Variants in UPRT observed in about 807,000 individuals in gnomAD.
The protein encoded by UPRT is uracil phosphoribosyltransferase homolog, also known as RP11-311P8.3.
In UPRT, 5 loss-of-function variants were observed where a neutral mutation model predicts 22.6. The observed-to-expected ratio is 0.22, with a 90% CI of 0.12 to 0.47. The LOEUF is 0.47. Ranked by LOEUF, UPRT falls within the 20% of genes least tolerant of loss-of-function variation. UPRT has a pLI of 0.99. For synonymous variants in UPRT, 77 were observed against 87.7 expected, an observed-to-expected ratio of 0.88 and a Z score of 0.68; for missense variants, 181 against 239.9, an observed-to-expected ratio of 0.75 and a Z score of 1.62.
At chrX:75,254,094 T>C (rs1470281732) in intron 4 of UPRT, among the ~76,000 whole-genome samples, 1 of 111,438 alleles carries the variant, frequency 9.0e-6, no homozygotes. Context: ...GTGAATCTGG[T>C]GTGTGGACTC....
chrX:75,216,993 A>G (rs1253554008), intron 4 of UPRT, among the ~76,000 whole-genome samples: 1 of 111,634 alleles, frequency 9.0e-6, no homozygotes, highest in Non-Finnish European at 1.9e-5. Context: ...TGACCTCATG[A>G]TCCGCCTGCC....
intron 2 of UPRT, 110 bp from the exon 3 acceptor site, chrX:75,296,232 A>G: frequency 2.7e-6 from 2 of 727,492 alleles, no homozygotes; most frequent in Non-Finnish European, 4.1e-6. Context: ...CCACAAGTGA[A>G]ACCTTTGCCT....
chrX:75,245,148 T>C (rs2082500221), intron 4 of UPRT, among the ~76,000 whole-genome samples: 1 of 109,577 alleles, frequency 9.1e-6, no homozygotes, highest in Non-Finnish European at 1.9e-5. Context: ...AAGGAAGACA[T>C]ACATGTGGCC....
chrX:75,199,726 C>T (rs746061699), intron 4 of UPRT, among the ~76,000 whole-genome samples: 59 of 110,805 alleles, frequency 5.3e-4, no homozygotes, highest in African/African-American at 1.7e-3. Flanking sequence ...TCTTGGGGTC[C>T]GCAATTCTTT....
chrX:75,296,227 A>G, intron 2 of UPRT, 115 bp from the exon 3 acceptor site: 1 of 688,220 alleles, frequency 1.5e-6, no homozygotes, highest in Non-Finnish European at 2.2e-6. Flanking sequence ...TGCCTCCACA[A>G]GTGAAACCTT....
chrX:75,198,828 G>C (rs1471604970), intron 4 of UPRT, among the ~76,000 whole-genome samples: 1 of 111,551 alleles, frequency 9.0e-6, no homozygotes, highest in Non-Finnish European at 1.9e-5. Flanking sequence ...CCATCCCCCA[G>C]CAGCAGCTCT....
intron 3 of UPRT, among the ~76,000 whole-genome samples, chrX:75,164,069 C>T (rs1405493524): frequency 1.8e-5 from 2 of 111,307 alleles, no homozygotes; most frequent in African/African-American, 6.5e-5. Context: ...CCCAGCTCCT[C>T]AAGAGGCTGA....
At chrX:75,252,704 A>G (rs1434919096) in intron 4 of UPRT, among the ~76,000 whole-genome samples, 1 of 112,434 alleles carries the variant, frequency 8.9e-6, no homozygotes, top group Non-Finnish European at 1.9e-5. Flanking sequence ...ATATACCCAA[A>G]GGATTATAAA....
At position 75,183,522 on chromosome X, in the gene UPRT, C is replaced by A. The variant is rs182652430; in HGVS notation, c.-447+15643C>A. On this transcript the variant is annotated intron_variant, in intron 4 of 13. Transcript: ENST00000652605. ...CTTTATAGCAGCATGATTTATAATC[C>A]TTTGGGTATATACCCAGTAATGGGA... Among the ~76,000 whole-genome samples the A allele has an allele frequency of 1.7e-3, 193 of 111,962 alleles. 2 individuals carry two copies. The highest frequency in any genetic ancestry group is 5.8e-3 in the African/African-American group (179 of 30,863).
In UPRT at chrX:75,214,952, T is replaced by A. The variant is rs1240913021; in HGVS notation, c.-447+47073T>A. 2.9e-4 allele frequency among the ~76,000 whole-genome samples: 30 copies of A among 102,907 alleles called. No homozygotes were observed. The Admixed American group carries it at 3.3e-3, about 11-fold the overall frequency. 89.4% of individuals were successfully genotyped at this position (102,907 alleles called of 115,157 possible). Reference sequence around the variant, plus strand: ...AGAAGGTAGATCTTATATTAAGTATTCTCAACACACACACACACACACACA... The same window carrying A: ...AGAAGGTAGATCTTATATTAAGTATACTCAACACACACACACACACACACA... On this transcript the variant is annotated intron_variant, in intron 4 of 13. Transcript: ENST00000652605.
intron 4 of UPRT, among the ~76,000 whole-genome samples, chrX:75,200,600 A>G (rs1261453669): frequency 8.9e-6 from 1 of 112,121 alleles, no homozygotes; most frequent in African/African-American, 3.2e-5. Context: ...TCTCAAAAAG[A>G]AAATTATTCT....
chrX:75,231,056 C>CG (rs397718391), intron 4 of UPRT, among the ~76,000 whole-genome samples: 1 of 110,579 alleles, frequency 9.0e-6, no homozygotes, highest in East Asian at 2.9e-4. Flanking sequence ...TATAAAACCC[C>CG]AAAAGATCAC....
exon 1 of UPRT, chrX:75,156,444 T>A: frequency 1.8e-6 from 1 of 543,029 alleles, no homozygotes; most frequent in Non-Finnish European, 3.0e-6. Context: ...TGTTTTTCCT[T>A]AGGGCCGAGC....
chrX:75,221,054 T>G (rs1014505488), intron 4 of UPRT, among the ~76,000 whole-genome samples: 3 of 111,936 alleles, frequency 2.7e-5, no homozygotes, highest in African/African-American at 9.7e-5. Flanking sequence ...GTATTTTTCT[T>G]TTACATTTAA....
chrX:75,160,910 A>T (rs1198959822), intron 2 of UPRT, among the ~76,000 whole-genome samples: 1 of 112,094 alleles, frequency 8.9e-6, no homozygotes, highest in Non-Finnish European at 1.9e-5. Flanking sequence ...AAGTATATGT[A>T]TGTACTTGCG....
At chrX:75,235,954 G>T (rs192882505) in intron 4 of UPRT, among the ~76,000 whole-genome samples, 4 of 110,985 alleles carry the variant, frequency 3.6e-5, no homozygotes, top group Non-Finnish European at 3.8e-5. Flanking sequence ...CCAGGGCAAT[G>T]AGGCAGGAGA....
chrX:75,237,623 A>G (rs1161402564), intron 4 of UPRT, among the ~76,000 whole-genome samples: 2 of 110,700 alleles, frequency 1.8e-5, no homozygotes, highest in Admixed American at 9.6e-5. Flanking sequence ...CAGCCATAAA[A>G]AATGATGAAT....
At chrX:75,201,734 G>T (rs775182173) in intron 4 of UPRT, 1 of 114,741 alleles carries the variant, frequency 8.7e-6, no homozygotes, top group Admixed American at 9.4e-5. Flanking sequence ...AACAAAGATA[G>T]AAGTGGGCTG....
intron 2 of UPRT, among the ~76,000 whole-genome samples, chrX:75,161,091 A>T (rs2082198060): frequency 8.9e-6 from 1 of 112,866 alleles, no homozygotes; most frequent in East Asian, 2.8e-4. Context: ...AGTTATGTTT[A>T]TCACTTTTTT....
Sources: gnomAD v4.1 joint callset for allele counts (sites outside exome capture counted in the v4.1 genomes callset) on GRCh38, gnomAD v4.1.1 for gene constraint, MANE v1.5 for transcripts, NCBI Gene and HGNC (gene_info 2026-07-23, HGNC 2026-07-21) for gene names.